LINGO2: variants seen among roughly 807,000 people sequenced by gnomAD.
LINGO2 encodes the protein leucine rich repeat and Ig domain containing 2.
LINGO2 carries 14 observed loss-of-function variants against 30.6 expected under a neutral mutation model. The ratio of observed to expected loss-of-function variants is 0.46; its 90% CI spans 0.30 to 0.72. The LOEUF (loss-of-function observed/expected upper bound fraction) is 0.72, where lower values mean the gene tolerates loss of function less well. LINGO2 is among the 30% of genes least tolerant of loss of function. The pLI, the probability that LINGO2 is intolerant of heterozygous loss-of-function variation, is 0.07. For missense variants in LINGO2, 729 were observed against 751.7 expected (o/e 0.97, Z 0.35); for synonymous variants, 317 against 288.5 (o/e 1.10, Z -1.00).
chr9:28,759,601 G>A, the LINGO2 span, among the ~76,000 whole-genome samples: 1 of 151,796 alleles, frequency 6.6e-6, no homozygotes, highest in East Asian at 1.9e-4. Context: ...AGAATGGCGT[G>A]AACCCGGGAG....
intron 4 of LINGO2, among the ~76,000 whole-genome samples, chr9:28,093,959 C>G (rs1826172487): frequency 6.6e-6 from 1 of 152,016 alleles, no homozygotes; most frequent in Non-Finnish European, 1.5e-5. Flanking sequence ...TATTATGTCT[C>G]ATTTATTACA....
chr9:29,121,621 G>T, the LINGO2 span, among the ~76,000 whole-genome samples: 1 of 151,974 alleles, frequency 6.6e-6, no homozygotes, highest in African/African-American at 2.4e-5. Flanking sequence ...ATAGCAAAGG[G>T]ATAATATAAA....
intron 4 of LINGO2, among the ~76,000 whole-genome samples, chr9:28,030,682 A>C (rs1338366992): frequency 1.3e-5 from 2 of 151,922 alleles, no homozygotes; most frequent in Admixed American, 6.5e-5. Flanking sequence ...TGACTGAGTT[A>C]CTCATATTCT....
chr9:28,304,435 T>C (rs1422145596), intron 3 of LINGO2, among the ~76,000 whole-genome samples: 2 of 151,766 alleles, frequency 1.3e-5, no homozygotes, highest in Non-Finnish European at 2.9e-5. Context: ...AACATAAGAT[T>C]TTATGTATAC....
chr9:28,750,636 T>A, the LINGO2 span, among the ~76,000 whole-genome samples: 2 of 151,968 alleles, frequency 1.3e-5, no homozygotes, highest in Non-Finnish European at 2.9e-5. Flanking sequence ...AGATTTGGAG[T>A]CAGATATATT....
At chr9:28,355,358 T>G (rs1820149648) in intron 3 of LINGO2, among the ~76,000 whole-genome samples, 1 of 122,526 alleles carries the variant, frequency 8.2e-6, no homozygotes, top group African/African-American at 3.2e-5. Context: ...TCTCTCTCCC[T>G]CCCTCTGTGT....
At chr9:28,203,574 C>T (rs1820312314) in intron 4 of LINGO2, among the ~76,000 whole-genome samples, 1 of 151,980 alleles carries the variant, frequency 6.6e-6, no homozygotes, top group Admixed American at 6.6e-5. Flanking sequence ...TAATTAGTAA[C>T]TCATCAAAGG....
intron 4 of LINGO2, among the ~76,000 whole-genome samples, chr9:28,190,147 T>C (rs1424720688): frequency 6.6e-6 from 1 of 152,142 alleles, no homozygotes; most frequent in East Asian, 1.9e-4. Flanking sequence ...TCCATAGTAA[T>C]TCTGATGCCA....
chr9:28,192,397 C>T (rs1477105942), intron 4 of LINGO2, among the ~76,000 whole-genome samples: 1 of 152,046 alleles, frequency 6.6e-6, no homozygotes, highest in African/African-American at 2.4e-5. Context: ...AAGTATTTAG[C>T]ATAAGCAACT....
At chr9:28,656,715 C>T (rs1000385695) in intron 1 of LINGO2, among the ~76,000 whole-genome samples, 20 of 152,016 alleles carry the variant, frequency 1.3e-4, no homozygotes, top group East Asian at 7.7e-4. Context: ...AAAATGTCTA[C>T]GCAGTTTTAA....
intron 3 of LINGO2, among the ~76,000 whole-genome samples, chr9:28,304,240 T>C (rs540549990): frequency 1.3e-5 from 2 of 149,274 alleles, no homozygotes; most frequent in African/African-American, 5.0e-5. Flanking sequence ...AATTAAAAAA[T>C]TTAAAATGTA....
intron 4 of LINGO2, among the ~76,000 whole-genome samples, chr9:28,104,796 C>T (rs896336674): frequency 2.0e-5 from 3 of 151,920 alleles, no homozygotes; most frequent in African/African-American, 4.8e-5. Context: ...AATAATCATG[C>T]AAAAGAAATC....
intron 4 of LINGO2, among the ~76,000 whole-genome samples, chr9:28,064,964 ACT>A (rs1825268020): frequency 2.0e-5 from 3 of 151,444 alleles, no homozygotes; most frequent in African/African-American, 7.3e-5. Flanking sequence ...GTAAGGCATT[ACT>A]AGATTAGAGC....
the LINGO2 span, among the ~76,000 whole-genome samples, chr9:28,873,391 G>GAAAAAAAAAAAAAAAAAAAAAAAA: frequency 8.1e-6 from 1 of 123,062 alleles, no homozygotes; most frequent in Non-Finnish European, 1.8e-5. Flanking sequence ...AAAAAAAAAA[G>GAAAAAAAAAAAAAAAAAAAAAAAA]AAAAAAAAAA....
the LINGO2 span, among the ~76,000 whole-genome samples, chr9:28,889,796 A>C: frequency 1.3e-5 from 2 of 152,110 alleles, no homozygotes; most frequent in South Asian, 2.1e-4. Context: ...CTAAGAAGAC[A>C]GGCTCAGTTC....
chr9:27,949,315 T>C, exon 6 of LINGO2: 2 of 1,614,108 alleles, frequency 1.2e-6, no homozygotes, highest in East Asian at 4.5e-5. Flanking sequence ...GACTTGGTGG[T>C]GATGAAACGC....
intron 4 of LINGO2, among the ~76,000 whole-genome samples, chr9:28,293,722 T>A (rs985111793): frequency 1.3e-5 from 2 of 152,162 alleles, no homozygotes; most frequent in Non-Finnish European, 2.9e-5. Context: ...TCCTTCTAAC[T>A]CTGAGGTTTT....
At chr9:28,048,446 A>G (rs1431866563) in intron 4 of LINGO2, among the ~76,000 whole-genome samples, 2 of 150,900 alleles carry the variant, frequency 1.3e-5, no homozygotes, top group Non-Finnish European at 1.5e-5. Context: ...ACTATCCCAA[A>G]TGGAACCTGA....
At chr9:28,987,881 T>C in the LINGO2 span, among the ~76,000 whole-genome samples, 31 of 152,312 alleles carry the variant, frequency 2.0e-4, no homozygotes, top group South Asian at 1.9e-3. Flanking sequence ...TTTCATGGCA[T>C]TGTGGTCAGA....
Sources: allele counts gnomAD v4.1 joint callset (sites outside exome capture counted in the v4.1 genomes callset), GRCh38; gene constraint gnomAD v4.1.1; transcripts MANE v1.5; gene names NCBI Gene and HGNC (gene_info 2026-07-23, HGNC 2026-07-21).